ATXN7L1: variants seen among roughly 807,000 people sequenced by gnomAD.
The protein encoded by ATXN7L1 is ataxin 7 like 1.
Under a neutral mutation model 70.8 loss-of-function variants are expected in ATXN7L1, and 15 were observed. The ratio of observed to expected loss-of-function variants is 0.21; its 90% CI spans 0.14 to 0.33. ATXN7L1 has a LOEUF of 0.33. Among genes scored for constraint, ATXN7L1 ranks in the 10% least tolerant of loss-of-function variants. The pLI is 1.00. For missense variants in ATXN7L1, 975 were observed against 1,097.1 expected, an observed-to-expected ratio of 0.89 and a Z score of 1.57; for synonymous variants, 440 against 445.1, an observed-to-expected ratio of 0.99 and a Z score of 0.14.
At chr7:105,775,364 C>A (rs535450594) in intron 3 of ATXN7L1, among the ~76,000 whole-genome samples, 3 of 152,208 alleles carry the variant, frequency 2.0e-5, no homozygotes, top group South Asian at 4.2e-4. Flanking sequence ...AGAAGCACTG[C>A]GGGTTTAGAA....
intron 2 of ATXN7L1, among the ~76,000 whole-genome samples, chr7:105,834,321 C>T (rs781088817): frequency 2.0e-5 from 3 of 152,320 alleles, no homozygotes; most frequent in South Asian, 2.1e-4. Context: ...GGATTACATA[C>T]GTGAGCCACC....
chr7:105,661,276 G>A (rs1801562531), intron 4 of ATXN7L1, among the ~76,000 whole-genome samples: 1 of 152,198 alleles, frequency 6.6e-6, no homozygotes, highest in African/African-American at 2.4e-5. Flanking sequence ...ATTAAATGTT[G>A]AGTAAAGATG....
rs115929286 is a variant in ATXN7L1 at position 105,819,666 on chromosome 7, C to T, written c.251-30958G>A. ...CAAGTTGAAGTACCTGGTCTTCCTCCGCAAGCAGATGAACACCAACCCTTC... is the reference window on the plus strand; with the variant it reads ...CAAGTTGAAGTACCTGGTCTTCCTCTGCAAGCAGATGAACACCAACCCTTC... On this transcript the variant is annotated intron_variant, in intron 2 of 11. Coordinates refer to ENST00000419735, the MANE Select transcript of ATXN7L1 (RefSeq NM_020725.2). The T allele has an allele frequency of 5.1e-3, 4,772 of 943,676 alleles. 145 individuals carry two copies. In the African/African-American group the frequency reaches 0.065, roughly 13 times the overall value. The allele number at this position is 943,676 out of a possible 1,614,324, so 58.5% of individuals were successfully genotyped here.
At position 105,607,633 on chromosome 7, in the gene ATXN7L1, AC is replaced by A; in HGVS notation, c.*218del. ...TGAAAGGAAAGACAGCGGAAACCAAACACTGGAACTGTTTTCTGTAAATCTC... is the reference window on the plus strand; with the variant it reads ...TGAAAGGAAAGACAGCGGAAACCAAAACTGGAACTGTTTTCTGTAAATCTC... On this transcript the variant is annotated 3_prime_UTR_variant, in exon 12 of 12. Coordinates refer to ENST00000419735, the MANE Select transcript of ATXN7L1 (RefSeq NM_020725.2). 1.8e-6 allele frequency: 1 copy of A among 559,732 alleles called. No individual in the cohort carries two copies. Among genetic ancestry groups the A allele is most frequent in the African/African-American group, 1.9e-5 (1 of 53,454 alleles). The allele number at this position is 559,732 out of a possible 1,614,324, so 34.7% of individuals were successfully genotyped here. A position where few individuals can be genotyped will look rare whatever the true frequency, so the allele number is the denominator to read the frequency against.
chr7:105,702,385 C>G (rs1792561999), intron 3 of ATXN7L1, among the ~76,000 whole-genome samples: 1 of 152,142 alleles, frequency 6.6e-6, no homozygotes, highest in African/African-American at 2.4e-5. Flanking sequence ...ATACAGAAAT[C>G]ATATAATTTA....
In ATXN7L1 at chr7:105,622,451, G is replaced by A. The variant is rs190158134; in HGVS notation, c.1395+1624C>T. Among the ~76,000 whole-genome samples the A allele has an allele frequency of 5.4e-4, 82 of 152,340 alleles. No homozygotes were observed. In the East Asian group the frequency reaches 9.6e-3, roughly 18 times the overall value. ...CTCCAGTTCCCGGCTGGCATGTTAC[G>A]CCTCCAGCAGAGCTGTAGATCCTCA... On this transcript the variant is annotated intron_variant, in intron 8 of 11. Coordinates refer to ENST00000419735, the MANE Select transcript of ATXN7L1 (RefSeq NM_020725.2).
chr7:105,736,574 T>C (rs1469838378), intron 3 of ATXN7L1, among the ~76,000 whole-genome samples: 10 of 152,224 alleles, frequency 6.6e-5, no homozygotes, highest in African/African-American at 2.4e-4. Context: ...ATGGCTCTCT[T>C]ACCCCTGATC....
chr7:105,693,430 A>G (rs981598652), intron 3 of ATXN7L1, among the ~76,000 whole-genome samples: 4 of 152,202 alleles, frequency 2.6e-5, no homozygotes, highest in African/African-American at 9.7e-5. Flanking sequence ...GGCCTCAGGC[A>G]GTCCTCCCGC....
Position 105,773,195 on chromosome 7 carries a change from C to T in ATXN7L1, c.355+15409G>A, listed in dbSNP as rs141023450. ...CAATTATCAGGGGTATCACAAGAAG[C>T]AGGAAACTCCCAGACCATTGTAGCT... On this transcript the variant is annotated intron_variant, in intron 3 of 11. Coordinates refer to ENST00000419735, the MANE Select transcript of ATXN7L1 (RefSeq NM_020725.2). Among the ~76,000 whole-genome samples, 75 of 152,280 alleles carry T rather than the reference C, an allele frequency of 4.9e-4. 1 individual carries two copies. Among genetic ancestry groups the T allele is most frequent in the South Asian group, 2.7e-3 (13 of 4,820 alleles).
chr7:105,614,757 G>T lies in ATXN7L1; in HGVS notation c.1577C>A (p.Pro526His), dbSNP rs1321722491. The T allele has an allele frequency of 6.4e-7, 1 of 1,551,784 alleles. No homozygotes were observed. The highest frequency in any genetic ancestry group is 8.7e-7 in the Non-Finnish European group (1 of 1,147,012). Residue 526 changes from proline (P) to histidine (H), a missense_variant, in exon 10 of 12, where the codon CCC becomes CAC. Physicochemically the swap from Pro to His is moderately conservative, Grantham distance 77. Around this residue, in one of 5 missense-constraint regions of ATXN7L1, gnomAD observed 635 missense variants for 699.4 expected, o/e 0.91. Transcript: ENST00000419735. This position sits in a 1 kb window ranked among gnomAD's most constrained non-coding sequence, Gnocchi z 4.3. Reference protein sequence around the residue: ...LPSPAAHITTPVPASVLQPFS... With the variant: ...LPSPAAHITTHVPASVLQPFS... ...AGGCTGCAAAACGGATGCTGGAACG[G>T]GGGTGGTGATGTGGGCTGCTGGCGA...
intron 3 of ATXN7L1, among the ~76,000 whole-genome samples, chr7:105,701,075 T>G (rs1244331830): frequency 1.3e-5 from 2 of 152,190 alleles, no homozygotes; most frequent in Admixed American, 1.3e-4. Context: ...CATTAATATA[T>G]GAAATTGCAA....
chr7:105,643,359 G>A (rs1055226214), intron 4 of ATXN7L1, among the ~76,000 whole-genome samples: 6 of 152,096 alleles, frequency 3.9e-5, no homozygotes, highest in Admixed American at 2.0e-4. Flanking sequence ...ACTGATTACC[G>A]CCCGTGCTGA....
intron 2 of ATXN7L1, among the ~76,000 whole-genome samples, chr7:105,832,387 G>A (rs762179371): frequency 2.8e-4 from 42 of 152,190 alleles, no homozygotes; most frequent in Non-Finnish European, 4.9e-4. Context: ...CTGAACTAAT[G>A]TGAGGCTATT....
intron 2 of ATXN7L1, chr7:105,820,162 G>C: frequency 3.5e-6 from 1 of 283,884 alleles, no homozygotes; most frequent in Non-Finnish European, 6.6e-6. Flanking sequence ...AAAAGCGTGG[G>C]CCTCATTCAG....
Position 105,614,634 on chromosome 7 carries a change from G to C in ATXN7L1, c.1700C>G (p.Ala567Gly). Residue 567 changes from alanine to glycine, a missense_variant, in exon 10 of 12, where the codon GCT becomes GGT. Ala to Gly is a moderately conservative substitution (Grantham distance 60, BLOSUM62 0). Around this residue, in one of 5 missense-constraint regions of ATXN7L1, gnomAD observed 635 missense variants for 699.4 expected, o/e 0.91. Transcript: ENST00000419735. The surrounding 1 kb of genome is among the most constrained non-coding windows in gnomAD (Gnocchi z 4.3). ...IMTSAMLSNA[A>G]FVTSPDPSAL... ...GCTCGGGTCCGGCGATGTCACGAAA[G>C]CTGCGTTTGAGAGCATGGCTGATGT... 1.3e-6 allele frequency: 2 copies of C among 1,551,800 alleles called. No individual in the cohort carries two copies. Among genetic ancestry groups the C allele is most frequent in the Non-Finnish European group, 1.7e-6 (2 of 1,147,022 alleles).
At position 105,860,128 on chromosome 7, in the gene ATXN7L1, A is replaced by AATATATATATATAT. The variant is rs1470485018; in HGVS notation, c.250+15670_250+15683dup. 1.3e-4 allele frequency among the ~76,000 whole-genome samples: 9 copies of AATATATATATATAT among 70,796 alleles called. No individual in the cohort carries two copies. In the South Asian group the frequency reaches 1.5e-3, roughly 12 times the overall value. 46.4% of individuals were successfully genotyped at this position (70,796 alleles called of 152,430 possible). On this transcript the variant is annotated intron_variant, in intron 2 of 11. Coordinates refer to ENST00000419735, the MANE Select transcript of ATXN7L1 (RefSeq NM_020725.2). ...ATATACAGATAGATCTTTATATGTA[A>AATATATATATATAT]ATATATATATATATATATACATATA...
intron 3 of ATXN7L1, among the ~76,000 whole-genome samples, chr7:105,738,801 G>A (rs1797694748): frequency 6.6e-6 from 1 of 152,178 alleles, no homozygotes; most frequent in Non-Finnish European, 1.5e-5. Flanking sequence ...GAAAGGCTGT[G>A]GGTCTGGTGC....
chr7:105,669,650 C>T (rs969757079), intron 3 of ATXN7L1, among the ~76,000 whole-genome samples: 1 of 152,036 alleles, frequency 6.6e-6, no homozygotes, highest in Non-Finnish European at 1.5e-5. Flanking sequence ...AGGCCCAGCA[C>T]GGTGGCTCAC....
intron 2 of ATXN7L1, among the ~76,000 whole-genome samples, chr7:105,857,475 C>T (rs1483884213): frequency 6.6e-6 from 1 of 152,198 alleles, no homozygotes; most frequent in Non-Finnish European, 1.5e-5. Context: ...CCTTCCACCT[C>T]CTGGACAACT....
Sources: allele counts gnomAD v4.1 joint callset (sites outside exome capture counted in the v4.1 genomes callset), GRCh38; gene constraint gnomAD v4.1.1; regional missense constraint gnomAD v4.1.1; non-coding constraint Gnocchi (gnomAD v3.1); transcripts MANE v1.5; gene names NCBI Gene and HGNC (gene_info 2026-07-23, HGNC 2026-07-21).